ARHGEF11: variants seen among roughly 807,000 people sequenced by gnomAD.
The protein encoded by ARHGEF11 is Rho guanine nucleotide exchange factor 11.
Under a neutral mutation model 193.7 loss-of-function variants are expected in ARHGEF11, and 55 were observed. That is an observed-to-expected ratio of 0.28 (90% CI 0.23 to 0.36). The LOEUF (loss-of-function observed/expected upper bound fraction) is 0.36, where lower values mean the gene tolerates loss of function less well. Ranked by LOEUF, ARHGEF11 falls within the 10% of genes least tolerant of loss-of-function variation. The pLI is 1.00. For missense variants in ARHGEF11, 1,723 were observed against 2,005.6 expected, an observed-to-expected ratio of 0.86 and a Z score of 2.69; for synonymous variants, 693 against 768.0, an observed-to-expected ratio of 0.90 and a Z score of 1.62.
intron 19 of ARHGEF11, 91 bp from the exon 20 acceptor site, chr1:156,955,890 C>T: frequency 2.0e-6 from 2 of 984,718 alleles, no homozygotes; most frequent in Admixed American, 3.4e-5. Flanking sequence ...CCAAGGCTGG[C>T]CCTCAGCAAG....
intron 6 of ARHGEF11, 138 bp from the exon 7 acceptor site, chr1:156,977,192 C>T (rs894403524): frequency 1.3e-5 from 10 of 742,884 alleles, no homozygotes; most frequent in South Asian, 5.1e-5. Flanking sequence ...CAGTACCTTG[C>T]CGGAATGCAG....
intron 1 of ARHGEF11, among the ~76,000 whole-genome samples, chr1:157,040,598 CCTAT>C (rs1486925402): frequency 6.6e-6 from 1 of 152,114 alleles, no homozygotes; most frequent in African/African-American, 2.4e-5. Context: ...CTTCTAGTAC[CCTAT>C]CTATTGGAAA....
At chr1:156,961,055 C>G (rs369468609) in intron 14 of ARHGEF11, among the ~76,000 whole-genome samples, 2 of 152,262 alleles carry the variant, frequency 1.3e-5, no homozygotes, top group African/African-American at 4.8e-5. Context: ...ATTAACCCTA[C>G]TAGCTTACTG....
At chr1:156,978,461 C>T (rs1176358202) in intron 5 of ARHGEF11, 79 bp from the exon 6 acceptor site, 2 of 1,484,056 alleles carry the variant, frequency 1.3e-6, no homozygotes, top group African/African-American at 2.8e-5. Context: ...GGGGGCTGTT[C>T]TCCCTTGTCC....
intron 14 of ARHGEF11, among the ~76,000 whole-genome samples, chr1:156,961,066 C>A (rs1372227679): frequency 1.3e-5 from 2 of 152,224 alleles, no homozygotes; most frequent in Non-Finnish European, 2.9e-5. Context: ...TAGCTTACTG[C>A]CAAAAGAATA....
intron 3 of ARHGEF11, among the ~76,000 whole-genome samples, chr1:156,984,015 G>A (rs986349508): frequency 6.6e-6 from 1 of 152,202 alleles, no homozygotes; most frequent in Non-Finnish European, 1.5e-5. Context: ...ATGAAGAAAG[G>A]GGGCCTTTGA....
At chr1:156,937,152 T>A in intron 39 of ARHGEF11, 97 bp downstream of exon 39, 1 of 1,584,348 alleles carries the variant, frequency 6.3e-7, no homozygotes, top group Non-Finnish European at 8.6e-7. Flanking sequence ...CAGGACAGGA[T>A]CTAGGGCTCC....
At chr1:156,939,510 G>A in intron 37 of ARHGEF11, 38 bp downstream of exon 37, 1 of 1,603,742 alleles carries the variant, frequency 6.2e-7, no homozygotes, top group Non-Finnish European at 8.5e-7. Flanking sequence ...CCTAGCAAGG[G>A]TGCTTGTCTC....
intron 1 of ARHGEF11, among the ~76,000 whole-genome samples, chr1:157,002,033 G>A (rs751646952): frequency 1.3e-5 from 2 of 152,202 alleles, no homozygotes; most frequent in Admixed American, 6.5e-5. Flanking sequence ...GGTTGCATGT[G>A]CATGTATGGG....
chr1:156,954,299 G>A (rs1659572246), intron 21 of ARHGEF11, among the ~76,000 whole-genome samples: 1 of 141,786 alleles, frequency 7.1e-6, no homozygotes, highest in Admixed American at 7.7e-5. Context: ...AGAATCCCTT[G>A]AACCTGGGAG....
rs902773849 is a variant in ARHGEF11 at position 156,984,420 on chromosome 1, C to T, written c.142G>A (p.Val48Ile). The T allele has an allele frequency of 1.9e-6, 3 of 1,593,974 alleles. No homozygotes were observed. The highest frequency in any genetic ancestry group is 2.3e-5 in the South Asian group (2 of 87,524). Residue 48 changes from valine (V) to isoleucine (I), a missense_variant, in exon 3 of 41, where the codon GTC becomes ATC. By Grantham distance (29) the Val-to-Ile change is conservative (BLOSUM62 3). Coordinates refer to ENST00000368194, the MANE Select transcript of ARHGEF11 (RefSeq NM_198236.3). Reference sequence around the variant, plus strand: ...CCATGCTGGTCCTTTTGGATAATGACACAGCGTTGAACGAGACCTGGAAGG... The same window carrying T: ...CCATGCTGGTCCTTTTGGATAATGATACAGCGTTGAACGAGACCTGGAAGG... ...SETTGLVQRCVIIQKDQHGFG... is the reference protein window; with the variant it reads ...SETTGLVQRCIIIQKDQHGFG...
At chr1:156,979,101 G>A in intron 5 of ARHGEF11, 128 bp downstream of exon 5, 2 of 818,814 alleles carry the variant, frequency 2.4e-6, no homozygotes, top group Non-Finnish European at 4.1e-6. Context: ...TTAAAGATGT[G>A]ACTTTAGCTG....
Position 156,948,036 on chromosome 1 carries a change from C to A in ARHGEF11, c.2154-80G>T. 1 of 1,557,758 alleles carries A rather than the reference C, an allele frequency of 6.4e-7. No homozygotes were observed. Among genetic ancestry groups the A allele is most frequent in the Non-Finnish European group, 8.7e-7 (1 of 1,145,548 alleles). ...GTTTGGCCCTCCCTCTCCTGCCCGA[C>A]CTGCTTGCCCCATGCACATGGGAAA... On this transcript the variant is annotated intron_variant, in intron 24 of 40. Transcript: ENST00000368194. The surrounding 1 kb of genome is among the most constrained non-coding windows in gnomAD (Gnocchi z 4.2).
intron 7 of ARHGEF11, among the ~76,000 whole-genome samples, chr1:156,973,659 C>T (rs1031664483): frequency 6.6e-6 from 1 of 152,162 alleles, no homozygotes; most frequent in Non-Finnish European, 1.5e-5. Context: ...CATTTCCTTC[C>T]CCTAAGCTCT....
chr1:157,004,068 T>A (rs956721303), intron 1 of ARHGEF11, among the ~76,000 whole-genome samples: 3 of 152,168 alleles, frequency 2.0e-5, no homozygotes, highest in Non-Finnish European at 4.4e-5. Context: ...TCAAATCAAA[T>A]CACTGATGGA....
intron 1 of ARHGEF11, among the ~76,000 whole-genome samples, chr1:157,020,055 C>G (rs180803781): frequency 6.7e-6 from 1 of 149,568 alleles, no homozygotes; most frequent in Non-Finnish European, 1.5e-5. Context: ...ACCTGGGAGA[C>G]GGAGCTTGCA....
intron 1 of ARHGEF11, among the ~76,000 whole-genome samples, chr1:157,013,903 T>G: frequency 6.6e-6 from 1 of 152,214 alleles, no homozygotes; most frequent in East Asian, 1.9e-4. Flanking sequence ...CAGTCCTGAT[T>G]CCTTTGTATC....
rs74116933 is a variant in ARHGEF11 at position 156,949,276 on chromosome 1, G to A, written c.1926-778C>T. On this transcript the variant is annotated intron_variant, in intron 22 of 40. Transcript: ENST00000368194. Reference sequence around the variant, plus strand: ...TGAGATGCTGATGACTGGGTGTTGCGGTGTCGAGTCCTGCAGTGCATCAGC... The same window carrying A: ...TGAGATGCTGATGACTGGGTGTTGCAGTGTCGAGTCCTGCAGTGCATCAGC... Among the ~76,000 whole-genome samples the A allele has an allele frequency of 6.3e-3, 961 of 152,222 alleles. 9 individuals carry two copies. The highest frequency in any genetic ancestry group is 0.022 in the African/African-American group (920 of 41,520).
At chr1:156,978,064 C>G in intron 6 of ARHGEF11, 140 bp downstream of exon 6, 1 of 1,342,070 alleles carries the variant, frequency 7.5e-7, no homozygotes, top group Non-Finnish European at 1.0e-6. Context: ...TTTTGTTCAA[C>G]TCTTTCAATG....
Sources: gnomAD v4.1 joint callset for allele counts (sites outside exome capture counted in the v4.1 genomes callset) on GRCh38, gnomAD v4.1.1 for gene constraint, Gnocchi (gnomAD v3.1) non-coding constraint, MANE v1.5 for transcripts, NCBI Gene and HGNC (gene_info 2026-07-23, HGNC 2026-07-21) for gene names.